ZFHX3: variants seen among roughly 807,000 people sequenced by gnomAD.
ZFHX3 encodes zinc finger homeobox protein 3.
ZFHX3 carries 42 observed loss-of-function variants against 279.1 expected under a neutral mutation model. The ratio of observed to expected loss-of-function variants is 0.15; its 90% CI spans 0.12 to 0.19. The LOEUF is 0.19. Ranked by LOEUF, ZFHX3 falls within the 10% of genes least tolerant of loss-of-function variation. The pLI is 1.00. For synonymous variants in ZFHX3, 2,293 were observed against 1,957.8 expected (o/e 1.17, Z -4.52); for missense variants, 4,981 against 4,754.0 (o/e 1.05, Z -1.40).
At chr16:73,455,263 A>G (rs1317960751) in intron 3 of ZFHX3, among the ~76,000 whole-genome samples, 1 of 152,238 alleles carries the variant, frequency 6.6e-6, no homozygotes, top group African/African-American at 2.4e-5. Flanking sequence ...AATGCTTCCC[A>G]GGAACTTTAC....
rs184085445 is a variant in ZFHX3 at position 73,574,509 on chromosome 16, G to A, written c.-1547+105671C>T. 1.2e-3 allele frequency among the ~76,000 whole-genome samples: 184 copies of A among 152,234 alleles called. 1 individual carries two copies. The highest frequency in any genetic ancestry group is 4.2e-3 in the African/African-American group (173 of 41,530). Reference sequence around the variant, plus strand: ...CAAATTCTTTGGGAGTAGAGACCAGGTACTTGTACATTTAAAGAATTCCCC... The same window carrying A: ...CAAATTCTTTGGGAGTAGAGACCAGATACTTGTACATTTAAAGAATTCCCC... On this transcript the variant is annotated intron_variant, in intron 2 of 17. Transcript: ENST00000641206.
intron 2 of ZFHX3, among the ~76,000 whole-genome samples, chr16:73,669,562 A>C (rs1247819552): frequency 6.6e-6 from 1 of 152,224 alleles, no homozygotes; most frequent in Admixed American, 6.5e-5. Flanking sequence ...CCACCTGAAA[A>C]GGGTTAGGAA....
chr16:73,799,399 G>A (rs193173307), intron 1 of ZFHX3, among the ~76,000 whole-genome samples: 3 of 152,304 alleles, frequency 2.0e-5, no homozygotes, highest in African/African-American at 7.2e-5. Context: ...CAGGCATTTA[G>A]GATGAGGCTA....
chr16:73,475,310 T>C (rs559158793), intron 2 of ZFHX3, among the ~76,000 whole-genome samples: 23 of 152,314 alleles, frequency 1.5e-4, no homozygotes, highest in African/African-American at 5.5e-4. Context: ...AAATTCCTTC[T>C]ACCAAATAAA....
intron 2 of ZFHX3, among the ~76,000 whole-genome samples, chr16:73,479,573 T>G (rs2018828561): frequency 6.6e-6 from 1 of 152,186 alleles, no homozygotes; most frequent in South Asian, 2.1e-4. Context: ...TGTTATATGA[T>G]CACCTGTTAA....
chr16:72,975,931 A>G (rs1348138494), intron 1 of ZFHX3, among the ~76,000 whole-genome samples: 1 of 152,212 alleles, frequency 6.6e-6, no homozygotes, highest in Non-Finnish European at 1.5e-5. Context: ...CTGCTAAGAC[A>G]GAACAATTGA....
chr16:72,930,246 A>AATAAT (rs928358525), intron 3 of ZFHX3, among the ~76,000 whole-genome samples: 6 of 152,108 alleles, frequency 3.9e-5, no homozygotes, highest in Admixed American at 3.9e-4. Context: ...AATAAAATAA[A>AATAAT]ATAATATACT....
At chr16:72,946,686 C>T (rs1001700135) in intron 3 of ZFHX3, among the ~76,000 whole-genome samples, 1 of 152,308 alleles carries the variant, frequency 6.6e-6, no homozygotes, top group South Asian at 2.1e-4. Context: ...AACCCACACG[C>T]CTCAGACGCA....
intron 2 of ZFHX3, among the ~76,000 whole-genome samples, chr16:73,466,673 A>G (rs760776946): frequency 1.3e-5 from 2 of 152,182 alleles, no homozygotes; most frequent in Non-Finnish European, 2.9e-5. Context: ...CAGTACTTAG[A>G]TGACTCCTGG....
At chr16:73,039,770 G>C (rs141042202) in intron 1 of ZFHX3, among the ~76,000 whole-genome samples, 1 of 152,082 alleles carries the variant, frequency 6.6e-6, no homozygotes, top group Admixed American at 6.5e-5. Context: ...CCTGAGGTCA[G>C]GCAATCCTGC....
At chr16:73,541,368 C>T (rs948686827) in intron 2 of ZFHX3, among the ~76,000 whole-genome samples, 6 of 152,034 alleles carry the variant, frequency 3.9e-5, no homozygotes, top group Non-Finnish European at 7.4e-5. Flanking sequence ...CACCTGTGGT[C>T]CCAGCTACTC....
chr16:72,868,635 C>CT (rs1441923715), intron 4 of ZFHX3, among the ~76,000 whole-genome samples: 2 of 152,340 alleles, frequency 1.3e-5, no homozygotes, highest in Admixed American at 6.5e-5. Context: ...GCTACAACTA[C>CT]ATCCCATGAC....
At chr16:72,968,572 T>C (rs1049984946) in intron 1 of ZFHX3, among the ~76,000 whole-genome samples, 2 of 151,764 alleles carry the variant, frequency 1.3e-5, no homozygotes, top group Non-Finnish European at 1.5e-5. Flanking sequence ...GCAATTCTTC[T>C]GCCTCAGCCT....
intron 5 of ZFHX3, among the ~76,000 whole-genome samples, chr16:73,200,300 G>A (rs536971974): frequency 6.6e-6 from 1 of 151,982 alleles, no homozygotes; most frequent in African/African-American, 2.4e-5. Flanking sequence ...AAATTACTCA[G>A]CTATTTTGCT....
rs375049833 is a variant in ZFHX3, at chr16:72,787,993, G to C, written c.10283C>G (p.Pro3428Arg). The C allele has an allele frequency of 3.1e-5, 50 of 1,613,606 alleles. No individual in the cohort carries two copies. The highest frequency in any genetic ancestry group is 4.0e-5 in the African/African-American group (3 of 74,770). Residue 3428 changes from proline to arginine, a missense_variant, in exon 10 of 10, where the codon CCC becomes CGC. Coordinates refer to ENST00000268489, the MANE Select transcript of ZFHX3 (RefSeq NM_006885.4). ...CGGCAGGAGGGGGGACACCTCACGG[G>C]GGGTGTTTTTCTGTTCTTCTGGTTT... Reference protein sequence around the residue: ...SPKPEEQKNTPREVSPLLPKL... With the variant: ...SPKPEEQKNTRREVSPLLPKL...
intron 1 of ZFHX3, among the ~76,000 whole-genome samples, chr16:72,987,947 T>C (rs568687833): frequency 4.6e-5 from 7 of 152,312 alleles, no homozygotes; most frequent in African/African-American, 1.7e-4. Context: ...ACGGGGCCCA[T>C]GTTAACAAAC....
At chr16:73,780,282 GGGC>G (rs1265418278) in intron 1 of ZFHX3, among the ~76,000 whole-genome samples, 1 of 150,856 alleles carries the variant, frequency 6.6e-6, no homozygotes, top group East Asian at 2.0e-4. Context: ...TGAGTAGCTG[GGGC>G]TACAGGCATA....
intron 5 of ZFHX3, among the ~76,000 whole-genome samples, chr16:73,189,978 T>C (rs1378473507): frequency 1.3e-5 from 2 of 151,870 alleles, no homozygotes; most frequent in Non-Finnish European, 2.9e-5. Context: ...AGACACACAA[T>C]TGAGAAATGG....
At chr16:73,624,143 T>C (rs908604284) in intron 2 of ZFHX3, among the ~76,000 whole-genome samples, 7 of 152,240 alleles carry the variant, frequency 4.6e-5, no homozygotes, top group African/African-American at 1.4e-4. Flanking sequence ...CGCTGGATGA[T>C]ATTAGATGCT....
Sources: gnomAD v4.1 joint callset for allele counts (sites outside exome capture counted in the v4.1 genomes callset) on GRCh38, gnomAD v4.1.1 for gene constraint, MANE v1.5 for transcripts, NCBI Gene and HGNC (gene_info 2026-07-23, HGNC 2026-07-21) for gene names.